KCNH5: variants seen among roughly 807,000 people sequenced by gnomAD.
KCNH5 encodes the protein voltage-gated delayed rectifier potassium channel KCNH5.
Under a neutral mutation model 96.1 loss-of-function variants are expected in KCNH5, and 46 were observed. That is an observed-to-expected ratio of 0.48 (90% CI 0.38 to 0.61). The LOEUF is 0.61. Among genes scored for constraint, KCNH5 ranks in the 20% least tolerant of loss-of-function variants. KCNH5 has a pLI of 0.00. For missense variants in KCNH5, 907 were observed against 1,225.8 expected, an observed-to-expected ratio of 0.74 and a Z score of 3.88; for synonymous variants, 439 against 449.8, an observed-to-expected ratio of 0.98 and a Z score of 0.30.
rs1372419528 is a variant in KCNH5 at position 62,853,460 on chromosome 14, T to TATATATATATATATATATATC, written c.1370-3629_1370-3609dup. ...TTCCCAAACAAAAAGAATAATCATATATATATATATATATATATATCATAT... is the reference window on the plus strand; with the variant it reads ...TTCCCAAACAAAAAGAATAATCATATATATATATATATATATATATCATATATATATATATATATATCATAT... On this transcript the variant is annotated intron_variant, in intron 7 of 10. Transcript: ENST00000322893. 5.8e-3 allele frequency among the ~76,000 whole-genome samples: 515 copies of TATATATATATATATATATATC among 89,370 alleles called. 10 individuals are homozygous for TATATATATATATATATATATC. Among genetic ancestry groups the TATATATATATATATATATATC allele is most frequent in the African/African-American group, 0.019 (476 of 25,548 alleles). 58.6% of individuals were successfully genotyped at this position (89,370 alleles called of 152,430 possible).
rs192031114 is a variant in KCNH5 at position 62,925,571 on chromosome 14, C to A, written c.1369+24562G>T. On this transcript the variant is annotated intron_variant, in intron 7 of 10. Transcript: ENST00000322893. ...CAGATTTTGATACATACTCGTTCTG[C>A]ATTTCACAGGTAAAGACAGAAAAAT... 1.9e-3 allele frequency among the ~76,000 whole-genome samples: 295 copies of A among 152,140 alleles called. 1 individual carries two copies. The highest frequency in any genetic ancestry group is 6.9e-3 in the African/African-American group (285 of 41,544).
chr14:62,902,732 T>C (rs1888952047), intron 7 of KCNH5, among the ~76,000 whole-genome samples: 1 of 152,028 alleles, frequency 6.6e-6, no homozygotes, highest in African/African-American at 2.4e-5. Context: ...TTTTTTTTTT[T>C]TCTCGAGACA....
intron 7 of KCNH5, among the ~76,000 whole-genome samples, chr14:62,854,010 AAAAAAAAACAAAAAAAAC>A (rs773246671): frequency 4.8e-5 from 7 of 146,942 alleles, no homozygotes; most frequent in Non-Finnish European, 8.9e-5. Flanking sequence ...CTGTCAAAAA[AAAAAAAAACAAAAAAAAC>A]AAAAAAAACA....
At chr14:63,029,527 G>A (rs192032193) in intron 1 of KCNH5, among the ~76,000 whole-genome samples, 1,738 of 152,102 alleles carry the variant, frequency 0.011, 23 homozygotes, top group African/African-American at 0.03. Context: ...TTGTGGCGGG[G>A]GGGATGTATG....
chr14:62,823,466 C>T (rs903014430), intron 8 of KCNH5, among the ~76,000 whole-genome samples: 1 of 152,034 alleles, frequency 6.6e-6, no homozygotes. Flanking sequence ...GAAATTAATA[C>T]CTCTAAACAC....
At chr14:62,754,223 G>A (rs146090037) in intron 10 of KCNH5, among the ~76,000 whole-genome samples, 1,826 of 151,956 alleles carry the variant, frequency 0.012, 13 homozygotes, top group Middle Eastern at 0.037. Context: ...AAGCTTCATG[G>A]TAACCTCAAA....
At chr14:62,748,753 C>CA (rs1038882433) in intron 10 of KCNH5, among the ~76,000 whole-genome samples, 8 of 151,660 alleles carry the variant, frequency 5.3e-5, no homozygotes, top group South Asian at 2.1e-4. Context: ...CGAGTTCCGA[C>CA]AAAAAAAATC....
chr14:62,835,096 GTAGAC>G (rs1887438541), intron 8 of KCNH5, among the ~76,000 whole-genome samples: 1 of 151,908 alleles, frequency 6.6e-6, no homozygotes, highest in Non-Finnish European at 1.5e-5. Flanking sequence ...ATTTCTTTCA[GTAGAC>G]TAAAGAATTT....
chr14:62,908,669 G>A (rs1419717084), intron 7 of KCNH5, among the ~76,000 whole-genome samples: 1 of 152,010 alleles, frequency 6.6e-6, no homozygotes, highest in Non-Finnish European at 1.5e-5. Context: ...TATAGCTGGA[G>A]GAATCAGGCT....
intron 7 of KCNH5, among the ~76,000 whole-genome samples, chr14:62,880,585 A>C (rs1888472908): frequency 6.6e-6 from 1 of 152,220 alleles, no homozygotes; most frequent in South Asian, 2.1e-4. Flanking sequence ...GTTTTCTGGA[A>C]CTGGAAACTA....
chr14:62,725,289 C>T (rs1884899421), intron 10 of KCNH5, among the ~76,000 whole-genome samples: 1 of 152,166 alleles, frequency 6.6e-6, no homozygotes, highest in African/African-American at 2.4e-5. Context: ...AAATAGATCT[C>T]CCACTGTCAT....
At chr14:62,801,857 G>A (rs1595628849) in intron 9 of KCNH5, among the ~76,000 whole-genome samples, 2 of 152,034 alleles carry the variant, frequency 1.3e-5, no homozygotes, top group Non-Finnish European at 2.9e-5. Context: ...AAGTTCTGGG[G>A]TAAAATGATC....
intron 1 of KCNH5, among the ~76,000 whole-genome samples, chr14:63,017,286 T>A (rs1891344249): frequency 6.6e-6 from 1 of 151,946 alleles, no homozygotes; most frequent in Non-Finnish European, 1.5e-5. Flanking sequence ...CACCTAAAAA[T>A]TGGTTAATTT....
chr14:62,729,366 C>A (rs1226796099), intron 10 of KCNH5, among the ~76,000 whole-genome samples: 1 of 152,164 alleles, frequency 6.6e-6, no homozygotes, highest in Non-Finnish European at 1.5e-5. Flanking sequence ...TATTCCAGGA[C>A]TACAGACATA....
At chr14:62,828,105 T>A (rs531781547) in intron 8 of KCNH5, among the ~76,000 whole-genome samples, 1 of 152,156 alleles carries the variant, frequency 6.6e-6, no homozygotes, top group Non-Finnish European at 1.5e-5. Flanking sequence ...ATTTATCTTC[T>A]GACCTTGATC....
chr14:62,792,088 A>C (rs1886447612), intron 9 of KCNH5, among the ~76,000 whole-genome samples: 1 of 151,600 alleles, frequency 6.6e-6, no homozygotes, highest in Non-Finnish European at 1.5e-5. Context: ...GTCATAAAGT[A>C]ATATTTTAAA....
chr14:62,828,070 T>A (rs1566674057), intron 8 of KCNH5, among the ~76,000 whole-genome samples: 1 of 152,266 alleles, frequency 6.6e-6, no homozygotes, highest in East Asian at 1.9e-4. Flanking sequence ...TCTTCATTTA[T>A]AAGATTATTT....
intron 8 of KCNH5, among the ~76,000 whole-genome samples, chr14:62,841,196 T>A (rs1887577870): frequency 6.6e-6 from 1 of 151,998 alleles, no homozygotes; most frequent in Non-Finnish European, 1.5e-5. Flanking sequence ...CGCAGTCAAA[T>A]AATAATAACA....
At chr14:63,037,612 C>T (rs140714123) in intron 1 of KCNH5, among the ~76,000 whole-genome samples, 1 of 152,148 alleles carries the variant, frequency 6.6e-6, no homozygotes, top group African/African-American at 2.4e-5. Context: ...AAAATAAATG[C>T]CAGCAGACCA....
Sources: gnomAD v4.1 joint callset for allele counts (sites outside exome capture counted in the v4.1 genomes callset) on GRCh38, gnomAD v4.1.1 for gene constraint, MANE v1.5 for transcripts, NCBI Gene and HGNC (gene_info 2026-07-23, HGNC 2026-07-21) for gene names.